The following METTL15 variants were observed in gnomAD, a reference collection of about 807,000 sequenced individuals.
METTL15 encodes the protein 12S rRNA N(4)-cytidine methyltransferase METTL15.
In METTL15, 34 loss-of-function variants were observed where a neutral mutation model predicts 38.3. The ratio of observed to expected loss-of-function variants is 0.89; its 90% CI spans 0.68 to 1.18. The LOEUF is 1.18. Among genes scored for constraint, METTL15 ranks in the 50% most tolerant of loss-of-function variants. The pLI is 0.00. For synonymous variants in METTL15, 162 were observed against 170.9 expected (o/e 0.95, Z 0.41); for missense variants, 438 against 498.4 (o/e 0.88, Z 1.15).
chr11:28,396,446 A>G (rs1017501026), intron 5 of METTL15, among the ~76,000 whole-genome samples: 2 of 152,178 alleles, frequency 1.3e-5, no homozygotes, highest in African/African-American at 4.8e-5. Flanking sequence ...CTTATATACC[A>G]ATAACAGACA....
rs138341881 is a variant in METTL15 at position 28,313,000 on chromosome 11, C to T, written c.778+16069C>T. On this transcript the variant is annotated intron_variant, in intron 6 of 6. Coordinates refer to ENST00000407364, the MANE Select transcript of METTL15 (RefSeq NM_001113528.2). ...TTTTTTCTTTCTTTTTAAGCCCTGT[C>T]ACTCTCGTATTATTAGTCAGAGTTC... Among the ~76,000 whole-genome samples, 509 of 151,258 alleles carry T rather than the reference C, an allele frequency of 3.4e-3. 6 individuals are homozygous for T. Among genetic ancestry groups the T allele is most frequent in the African/African-American group, 0.012 (491 of 41,224 alleles).
intron 5 of METTL15, among the ~76,000 whole-genome samples, chr11:28,403,514 G>A (rs1412726967): frequency 1.3e-5 from 2 of 151,954 alleles, no homozygotes; most frequent in Non-Finnish European, 2.9e-5. Flanking sequence ...TCTAGAATAG[G>A]GGTTAATAAC....
intron 6 of METTL15, among the ~76,000 whole-genome samples, chr11:28,466,542 A>G (rs972650172): frequency 6.6e-6 from 1 of 152,172 alleles, no homozygotes; most frequent in East Asian, 1.9e-4. Flanking sequence ...CAGTTCTCAC[A>G]GTTAAGAAAG....
At position 28,295,216 on chromosome 11, in the gene METTL15, A is replaced by G. The variant is rs553624720; in HGVS notation, c.600-1537A>G. Among the ~76,000 whole-genome samples the G allele has an allele frequency of 2.6e-5, 4 of 152,242 alleles. No individual in the cohort carries two copies. In the East Asian group the frequency reaches 5.8e-4, roughly 22 times the overall value. The stretch of plus-strand genomic sequence containing the variant: ...TTTCTGTTTTACAATTGTGTGCACC[A>G]ATAATTATCCAAACCATTCTGTGAG... On this transcript the variant is annotated intron_variant, in intron 5 of 6. Coordinates refer to ENST00000407364, the MANE Select transcript of METTL15 (RefSeq NM_001113528.2).
intron 3 of METTL15, among the ~76,000 whole-genome samples, chr11:28,173,740 C>G (rs1428211320): frequency 6.6e-6 from 1 of 152,152 alleles, no homozygotes; most frequent in South Asian, 2.1e-4. Context: ...ATTTAGTTGT[C>G]ATGTCCCTTT....
chr11:28,529,541 C>A (rs770449437), downstream of METTL15, among the ~76,000 whole-genome samples: 42 of 140,352 alleles, frequency 3.0e-4, no homozygotes, highest in Non-Finnish European at 4.2e-4. Context: ...TCTCCCTTTT[C>A]CCCCTACTTC....
intron 6 of METTL15, among the ~76,000 whole-genome samples, chr11:28,475,330 G>A (rs1425822574): frequency 7.9e-5 from 12 of 151,966 alleles, no homozygotes; most frequent in African/African-American, 2.7e-4. Context: ...GTGGTGTGAA[G>A]TCACTTCTTT....
intron 4 of METTL15, among the ~76,000 whole-genome samples, chr11:28,228,823 C>T (rs1224984422): frequency 1.3e-5 from 2 of 151,692 alleles, no homozygotes; most frequent in African/African-American, 4.8e-5. Context: ...AATTTTTTGC[C>T]AAAAACTTTG....
At chr11:28,277,418 C>T (rs1855885047) in intron 4 of METTL15, among the ~76,000 whole-genome samples, 1 of 152,136 alleles carries the variant, frequency 6.6e-6, no homozygotes, top group African/African-American at 2.4e-5. Flanking sequence ...ATGAAATTGG[C>T]CAGTCATGGT....
At chr11:28,206,036 A>T (rs1352502128) in intron 3 of METTL15, among the ~76,000 whole-genome samples, 2 of 138,522 alleles carry the variant, frequency 1.4e-5, no homozygotes, top group Non-Finnish European at 3.1e-5. Flanking sequence ...GGTTGCAAAA[A>T]TTTTCTGCCA....
chr11:28,194,847 C>T (rs987819585), intron 3 of METTL15, among the ~76,000 whole-genome samples: 16 of 151,524 alleles, frequency 1.1e-4, no homozygotes, highest in African/African-American at 2.2e-4. Context: ...AACCCTCACC[C>T]GCCTCCTAAC....
At chr11:28,160,938 G>A (rs1441368588) in intron 3 of METTL15, among the ~76,000 whole-genome samples, 1 of 151,550 alleles carries the variant, frequency 6.6e-6, no homozygotes, top group Non-Finnish European at 1.5e-5. Flanking sequence ...TAAATATTTT[G>A]TAGGCACCCT....
intron 5 of METTL15, among the ~76,000 whole-genome samples, chr11:28,366,739 G>T (rs2133371938): frequency 6.6e-6 from 1 of 152,268 alleles, no homozygotes; most frequent in Middle Eastern, 3.4e-3. Context: ...GGCTAAATTG[G>T]CGCAGCATGC....
chr11:28,364,211 T>C (rs1395893655), intron 5 of METTL15, among the ~76,000 whole-genome samples: 1 of 152,234 alleles, frequency 6.6e-6, no homozygotes, highest in African/African-American at 2.4e-5. Flanking sequence ...TTTCTAATTC[T>C]GTGAAAAATG....
intron 4 of METTL15, among the ~76,000 whole-genome samples, chr11:28,355,723 A>G (rs900396505): frequency 2.0e-5 from 3 of 152,124 alleles, no homozygotes; most frequent in African/African-American, 7.2e-5. Flanking sequence ...AATATAAGGG[A>G]CTTTAGCATT....
chr11:28,227,532 C>T (rs550375060), intron 4 of METTL15, among the ~76,000 whole-genome samples: 2 of 151,582 alleles, frequency 1.3e-5, no homozygotes, highest in Admixed American at 6.6e-5. Flanking sequence ...AGAGAATATT[C>T]GAAGATCTTT....
intron 5 of METTL15, among the ~76,000 whole-genome samples, chr11:28,413,736 T>A (rs1291722766): frequency 1.3e-5 from 2 of 152,156 alleles, no homozygotes; most frequent in African/African-American, 4.8e-5. Context: ...TGGCCTAATA[T>A]CAGAATTTAA....
intron 4 of METTL15, among the ~76,000 whole-genome samples, chr11:28,282,684 T>G (rs1856100391): frequency 6.6e-6 from 1 of 152,162 alleles, no homozygotes; most frequent in South Asian, 2.1e-4. Flanking sequence ...ATTGTTACTT[T>G]GAAACAAGAC....
At chr11:28,361,776 C>T (rs190038038) in intron 4 of METTL15, among the ~76,000 whole-genome samples, 6 of 152,152 alleles carry the variant, frequency 3.9e-5, no homozygotes, top group East Asian at 3.9e-4. Context: ...TTTGGGGTCC[C>T]GGAGCCTAGA....
Sources: gnomAD v4.1 joint callset for allele counts (sites outside exome capture counted in the v4.1 genomes callset) on GRCh38, gnomAD v4.1.1 for gene constraint, MANE v1.5 for transcripts, NCBI Gene and HGNC (gene_info 2026-07-23, HGNC 2026-07-21) for gene names.